The following CACNA1C variants were observed in gnomAD, a reference collection of about 807,000 sequenced individuals.
The protein encoded by CACNA1C is calcium voltage-gated channel subunit alpha1 C.
A neutral mutation model predicts 229.0 loss-of-function variants in CACNA1C; 30 were observed. The ratio of observed to expected loss-of-function variants is 0.13; its 90% confidence interval spans 0.10 to 0.18. CACNA1C has a LOEUF of 0.18. Ranked by LOEUF, CACNA1C falls within the 10% of genes least tolerant of loss-of-function variation. The probability of loss-of-function intolerance (pLI) is 1.00; values close to 1 mark genes in which losing one functional copy is unlikely to be tolerated. For synonymous variants in CACNA1C, 1,114 were observed against 1,132.5 expected (o/e 0.98, Z 0.33); for missense variants, 1,658 against 2,845.0 (o/e 0.58, Z 9.49).
intron 3 of CACNA1C, among the ~76,000 whole-genome samples, chr12:2,409,516 C>T (rs1052759767): frequency 1.6e-4 from 24 of 152,214 alleles, no homozygotes; most frequent in South Asian, 4.1e-4. Flanking sequence ...CAGCAGTGGA[C>T]GGTCACTACA....
Position 2,691,147 on chromosome 12 carries a change from G to T in CACNA1C, c.6365G>T (p.Arg2122Leu). 1 of 1,606,210 alleles carries T rather than the reference G, an allele frequency of 6.2e-7. No individual in the cohort carries two copies. ...EDAGCVRARGRPSEEELQDSR... is the reference protein window; with the variant it reads ...EDAGCVRARGLPSEEELQDSR... ...GCGGGCTGTGTGCGCGCGCGGGGTC[G>T]ACCGAGTGAGGAGGAGCTCCAGGAC... The change falls in exon 47 of 47, where the codon CGA becomes CTA. Residue 2122 changes from arginine to leucine, a missense_variant. Physicochemically the swap from Arg to Leu is moderately radical, Grantham distance 102 (BLOSUM62 -2). Transcript: ENST00000399655.
chr12:2,544,329 TG>T (rs2099877198), intron 9 of CACNA1C, among the ~76,000 whole-genome samples: 1 of 152,188 alleles, frequency 6.6e-6, no homozygotes, highest in Admixed American at 6.5e-5. Flanking sequence ...CTATAATCTG[TG>T]TTCTAGGATA....
intron 3 of CACNA1C, among the ~76,000 whole-genome samples, chr12:2,124,140 G>A (rs1486534054): frequency 6.7e-6 from 1 of 149,590 alleles, no homozygotes; most frequent in Non-Finnish European, 1.5e-5. Context: ...GTGTGTGTGT[G>A]TGTGTGTGTG....
intron 43 of CACNA1C, 59 bp downstream of exon 43, chr12:2,682,737 C>T (rs1569245257): frequency 6.4e-6 from 10 of 1,558,608 alleles, no homozygotes; most frequent in Non-Finnish European, 7.8e-6. Context: ...TGTGGGGAGG[C>T]AGAGGCAGGT....
At chr12:2,555,884 G>A (rs545005210) in intron 10 of CACNA1C, among the ~76,000 whole-genome samples, 6 of 152,086 alleles carry the variant, frequency 3.9e-5, no homozygotes, top group Non-Finnish European at 8.8e-5. Flanking sequence ...GCGCTGGGAC[G>A]TCGCAGGCCT....
intron 30 of CACNA1C, among the ~76,000 whole-genome samples, chr12:2,635,958 C>T (rs139997874): frequency 1.3e-5 from 2 of 152,338 alleles, no homozygotes; most frequent in South Asian, 2.1e-4. Context: ...CCTACTCGTG[C>T]TCTGAGACTC....
intron 3 of CACNA1C, among the ~76,000 whole-genome samples, chr12:2,365,932 T>C (rs2097708074): frequency 6.6e-6 from 1 of 152,186 alleles, no homozygotes; most frequent in Non-Finnish European, 1.5e-5. Flanking sequence ...TTGAATAAGA[T>C]GTGATTCAGG....
chr12:2,525,524 G>A (rs1307724099), intron 9 of CACNA1C, among the ~76,000 whole-genome samples: 2 of 152,164 alleles, frequency 1.3e-5, no homozygotes, highest in East Asian at 3.9e-4. Flanking sequence ...TGGGATCCCT[G>A]CCATGACCCT....
At chr12:2,391,947 G>A (rs752795975) in intron 3 of CACNA1C, among the ~76,000 whole-genome samples, 15 of 152,218 alleles carry the variant, frequency 9.9e-5, no homozygotes, top group Non-Finnish European at 2.1e-4. Flanking sequence ...GCACAGCACC[G>A]GCACAGAGCG....
At chr12:2,079,320 G>T (rs2064551661) in intron 1 of CACNA1C, among the ~76,000 whole-genome samples, 2 of 152,150 alleles carry the variant, frequency 1.3e-5, no homozygotes, top group African/African-American at 4.8e-5. Flanking sequence ...GTCTTAGTCA[G>T]TTTGGCTGCC....
intron 3 of CACNA1C, among the ~76,000 whole-genome samples, chr12:2,180,791 AG>A (rs1241101038): frequency 6.6e-6 from 1 of 152,072 alleles, no homozygotes; most frequent in East Asian, 1.9e-4. Context: ...TTTCAAAATG[AG>A]GGTTGTTGGA....
intron 1 of CACNA1C, among the ~76,000 whole-genome samples, chr12:2,023,632 T>A (rs1430882217): frequency 6.6e-6 from 1 of 152,184 alleles, no homozygotes; most frequent in Non-Finnish European, 1.5e-5. Flanking sequence ...GGTGCGCTGT[T>A]AGTAACTGTT....
chr12:2,115,584 C>T (rs1023374802), intron 2 of CACNA1C, 39 bp downstream of exon 2: 2 of 1,600,050 alleles, frequency 1.2e-6, no homozygotes, highest in South Asian at 1.1e-5. Flanking sequence ...CTCCTGGGAC[C>T]TGCACGCTGG....
chr12:2,389,137 G>T (rs146904403), intron 3 of CACNA1C, among the ~76,000 whole-genome samples: 2 of 152,146 alleles, frequency 1.3e-5, no homozygotes, highest in Non-Finnish European at 2.9e-5. Flanking sequence ...GGAAAGTGTG[G>T]AGTCATGGAA....
At chr12:2,482,413 GCCA>G (rs1430631994) in intron 5 of CACNA1C, among the ~76,000 whole-genome samples, 2 of 152,334 alleles carry the variant, frequency 1.3e-5, no homozygotes, top group African/African-American at 4.8e-5. Context: ...TGAGCCCTGT[GCCA>G]CCACTTCCCA....
intron 1 of CACNA1C, chr12:2,020,265 T>C (rs2046204434): frequency 6.6e-6 from 1 of 152,220 alleles, no homozygotes; most frequent in African/African-American, 2.4e-5. Flanking sequence ...AGAAAAACTC[T>C]ATAAAGTGGG....
intron 3 of CACNA1C, among the ~76,000 whole-genome samples, chr12:2,172,671 A>G (rs963225519): frequency 1.3e-5 from 2 of 152,242 alleles, no homozygotes; most frequent in Non-Finnish European, 2.9e-5. Context: ...AAAGATAGCT[A>G]GTCTTTCCTG....
chr12:2,171,414 G>A (rs2096473481), intron 3 of CACNA1C, among the ~76,000 whole-genome samples: 2 of 152,196 alleles, frequency 1.3e-5, no homozygotes, highest in Non-Finnish European at 2.9e-5. Flanking sequence ...CTCCACGTGC[G>A]AGGAGGGATG....
At chr12:1,994,948 T>G (rs1684404500) in intron 1 of CACNA1C, among the ~76,000 whole-genome samples, 1 of 132,800 alleles carries the variant, frequency 7.5e-6, no homozygotes, top group Non-Finnish European at 1.6e-5. Context: ...CTTTTTGTAA[T>G]TCGCTACTGA....
Sources: allele counts gnomAD v4.1 joint callset (sites outside exome capture counted in the v4.1 genomes callset), GRCh38; gene constraint gnomAD v4.1.1; transcripts MANE v1.5; gene names NCBI Gene and HGNC (gene_info 2026-07-23, HGNC 2026-07-21).